The following SPAG16 variants were observed in gnomAD, a reference collection of about 807,000 sequenced individuals.
The protein encoded by SPAG16 is sperm associated antigen 16.
Under a neutral mutation model 80.4 loss-of-function variants are expected in SPAG16, and 86 were observed. The ratio of observed to expected loss-of-function variants is 1.07; its 90% confidence interval spans 0.90 to 1.28. The LOEUF (loss-of-function observed/expected upper bound fraction) is 1.28, where lower values mean the gene tolerates loss of function less well. Among genes scored for constraint, SPAG16 ranks in the 50% most tolerant of loss-of-function variants. The pLI, the probability that SPAG16 is intolerant of heterozygous loss-of-function variation, is 0.00. For synonymous variants in SPAG16, 294 were observed against 265.9 expected, an observed-to-expected ratio of 1.11 and a Z score of -1.03; for missense variants, 870 against 765.3, an observed-to-expected ratio of 1.14 and a Z score of -1.61.
chr2:213,432,780 C>A (rs1242275548), intron 9 of SPAG16, among the ~76,000 whole-genome samples: 1 of 152,050 alleles, frequency 6.6e-6, no homozygotes, highest in African/African-American at 2.4e-5. Flanking sequence ...ATACCAAAGA[C>A]CAGAGAGGAC....
chr2:213,300,849 A>G lies in SPAG16; in HGVS notation c.279+3492A>G, dbSNP rs534231946. Among the ~76,000 whole-genome samples the G allele has an allele frequency of 2.6e-5, 4 of 152,230 alleles. No homozygotes were observed. The East Asian group carries it at 7.7e-4, about 29-fold the overall frequency. On this transcript the variant is annotated intron_variant, in intron 3 of 15. Coordinates refer to ENST00000331683, the MANE Select transcript of SPAG16 (RefSeq NM_024532.5). ...TTTAATAGTATAAAGTGTTGCGAGA[A>G]CATAAAGTTTGAGACATTTTATAGA...
intron 1 of SPAG16, chr2:213,286,022 C>A: frequency 1.3e-6 from 1 of 754,124 alleles, no homozygotes; most frequent in Non-Finnish European, 2.0e-6. Flanking sequence ...TTTTTGCAAA[C>A]ATCTTTGTGA....
chr2:213,525,879 G>C (rs2075870208), intron 10 of SPAG16, among the ~76,000 whole-genome samples: 1 of 151,800 alleles, frequency 6.6e-6, no homozygotes, highest in South Asian at 2.1e-4. Flanking sequence ...GTTTTTATTT[G>C]CTACAAATTT....
chr2:213,898,070 C>T (rs1220237092), intron 11 of SPAG16, among the ~76,000 whole-genome samples: 1 of 152,086 alleles, frequency 6.6e-6, no homozygotes. Flanking sequence ...GTTTGATCTA[C>T]CCTATAGAAT....
intron 9 of SPAG16, among the ~76,000 whole-genome samples, chr2:213,447,765 G>A (rs1181022540): frequency 2.0e-5 from 3 of 152,170 alleles, no homozygotes; most frequent in East Asian, 1.9e-4. Context: ...TAATCAAACT[G>A]TCCAATGCAT....
intron 10 of SPAG16, among the ~76,000 whole-genome samples, chr2:213,790,397 C>T (rs536713451): frequency 3.3e-5 from 5 of 151,986 alleles, no homozygotes; most frequent in Non-Finnish European, 7.4e-5. Context: ...AAAGAACTGC[C>T]GTCACTAGCT....
intron 15 of SPAG16, among the ~76,000 whole-genome samples, chr2:214,268,986 C>G (rs1691794709): frequency 6.6e-6 from 1 of 152,002 alleles, no homozygotes; most frequent in Non-Finnish European, 1.5e-5. Flanking sequence ...GCCAGACTTT[C>G]ATTTATAGAA....
intron 10 of SPAG16, among the ~76,000 whole-genome samples, chr2:213,642,470 G>A (rs890741833): frequency 1.3e-5 from 2 of 152,110 alleles, no homozygotes; most frequent in Non-Finnish European, 2.9e-5. Flanking sequence ...GATCCTGGGT[G>A]TGTCTGTGAG....
intron 2 of SPAG16, among the ~76,000 whole-genome samples, chr2:213,296,517 C>T (rs1301200795): frequency 6.6e-6 from 1 of 152,176 alleles, no homozygotes; most frequent in African/African-American, 2.4e-5. Flanking sequence ...GTATTTCTAT[C>T]TAATGTGGTT....
intron 15 of SPAG16, among the ~76,000 whole-genome samples, chr2:214,169,423 G>A (rs931488287): frequency 5.3e-5 from 8 of 151,924 alleles, no homozygotes; most frequent in South Asian, 2.1e-4. Flanking sequence ...CCCCAAAGCC[G>A]GTCAGTACTT....
In SPAG16 at chr2:214,067,552, C is replaced by A. The variant is rs566833031; in HGVS notation, c.1528-40644C>A. Among the ~76,000 whole-genome samples the A allele has an allele frequency of 2.7e-5, 4 of 150,868 alleles. No individual in the cohort carries two copies. In the East Asian group the frequency reaches 7.8e-4, roughly 30 times the overall value. On this transcript the variant is annotated intron_variant, in intron 13 of 15. Coordinates refer to ENST00000331683, the MANE Select transcript of SPAG16 (RefSeq NM_024532.5). ...TAATTCAGGAGAGGTATTACTATTG[C>A]GTACACTTATAAAATATACTCAAAA...
intron 10 of SPAG16, among the ~76,000 whole-genome samples, chr2:213,581,870 C>T (rs1218074794): frequency 6.6e-6 from 1 of 152,104 alleles, no homozygotes; most frequent in African/African-American, 2.4e-5. Context: ...TTGCTTGATG[C>T]CTTGCTTCAA....
chr2:214,282,924 G>A (rs545788919), intron 15 of SPAG16, among the ~76,000 whole-genome samples: 36 of 152,142 alleles, frequency 2.4e-4, no homozygotes, highest in Admixed American at 2.0e-4. Context: ...ACCTTCGACT[G>A]ACAGATTTGC....
chr2:213,525,180 T>C (rs886922683), intron 10 of SPAG16, among the ~76,000 whole-genome samples: 1 of 152,000 alleles, frequency 6.6e-6, no homozygotes, highest in Non-Finnish European at 1.5e-5. Flanking sequence ...GCTGTTGCCA[T>C]GTGAAAAAGG....
chr2:213,550,217 CTT>C lies in SPAG16; in HGVS notation c.1070+60136_1070+60137del, dbSNP rs146200781. Among the ~76,000 whole-genome samples, 3 of 148,766 alleles carry C rather than the reference CTT, an allele frequency of 2.0e-5. No individual in the cohort carries two copies. In the East Asian group the frequency reaches 5.9e-4, roughly 29 times the overall value. On this transcript the variant is annotated intron_variant, in intron 10 of 15. Coordinates refer to ENST00000331683, the MANE Select transcript of SPAG16 (RefSeq NM_024532.5). Reference sequence around the variant, plus strand: ...TAATTTGAATTAGGAATATCACAGACTTTTTTTTTTCAGAATTAATCAGCATC... The same window carrying C: ...TAATTTGAATTAGGAATATCACAGACTTTTTTTTCAGAATTAATCAGCATC...
rs140635235 is a variant in SPAG16, at chr2:213,976,686, AT to A, written c.1401-37264del. On this transcript the variant is annotated intron_variant, in intron 12 of 15. Coordinates refer to ENST00000331683, the MANE Select transcript of SPAG16 (RefSeq NM_024532.5). ...AATTTGTGTGCCATTTGGGGCCCAT[AT>A]GAAAGGCTTGAAGAGAGGACTCTAG... 4.6e-3 allele frequency among the ~76,000 whole-genome samples: 693 copies of A among 152,154 alleles called. 5 individuals are homozygous for A. Among genetic ancestry groups the A allele is most frequent in the Admixed American group, 6.4e-3 (98 of 15,250 alleles).
At chr2:213,882,724 T>C (rs1304171784) in intron 11 of SPAG16, among the ~76,000 whole-genome samples, 8 of 152,360 alleles carry the variant, frequency 5.3e-5, no homozygotes, top group African/African-American at 1.9e-4. Context: ...TCTATTCATC[T>C]AATTTTTTCA....
chr2:214,021,716 T>C (rs2047876995), intron 13 of SPAG16, among the ~76,000 whole-genome samples: 1 of 152,142 alleles, frequency 6.6e-6, no homozygotes, highest in South Asian at 2.1e-4. Context: ...TAAACCTCAC[T>C]GCATTGATTT....
intron 15 of SPAG16, among the ~76,000 whole-genome samples, chr2:214,150,057 G>A (rs1416130739): frequency 6.6e-6 from 1 of 152,046 alleles, no homozygotes; most frequent in Admixed American, 6.6e-5. Flanking sequence ...GAATCTTTGA[G>A]CATTATTTGT....
Sources: gnomAD v4.1 joint callset for allele counts (sites outside exome capture counted in the v4.1 genomes callset) on GRCh38, gnomAD v4.1.1 for gene constraint, MANE v1.5 for transcripts, NCBI Gene and HGNC (gene_info 2026-07-23, HGNC 2026-07-21) for gene names.